The following MACF1 variants were observed in gnomAD, a reference collection of about 807,000 sequenced individuals.
MACF1 encodes microtubule-actin cross-linking factor 1.
Under a neutral mutation model 854.8 loss-of-function variants are expected in MACF1, and 193 were observed. That is an observed-to-expected ratio of 0.23 (90% confidence interval 0.20 to 0.25). MACF1 has a LOEUF of 0.25. Ranked by LOEUF, MACF1 falls within the 10% of genes least tolerant of loss-of-function variation. MACF1 has a pLI of 1.00. For missense variants in MACF1, 7,722 were observed against 8,929.1 expected, an observed-to-expected ratio of 0.86 and a Z score of 5.45; for synonymous variants, 3,185 against 3,226.7, an observed-to-expected ratio of 0.99 and a Z score of 0.44.
intron 2 of MACF1, among the ~76,000 whole-genome samples, chr1:39,137,540 A>C (rs1242566255): frequency 6.6e-6 from 1 of 152,076 alleles, no homozygotes; most frequent in Non-Finnish European, 1.5e-5. Flanking sequence ...TAATTTTTAA[A>C]TTTTTTGTAA....
Position 39,427,607 on chromosome 1 carries a change from G to A in MACF1, c.16469G>A (p.Arg5490Gln), listed in dbSNP as rs926786251. ...GCCAAAATACAGCAGCAGATCATTC[G>A]GCACAAGGTAGGGAGTGGTTACAGT... ...QTAKIQQQII[R>Q]HKALEEDIEN... The change falls in exon 62 of 101, where the codon CGG becomes CAG. Residue 5490 changes from arginine to glutamine, a missense_variant. This residue lies in a region of MACF1 where 2,807 missense variants were observed against 3,235.8 expected (regional missense o/e 0.87). Transcript: ENST00000564288. 1.1e-5 allele frequency: 18 copies of A among 1,613,736 alleles called. No individual in the cohort carries two copies. Among genetic ancestry groups the A allele is most frequent in the Admixed American group, 3.3e-5 (2 of 59,976 alleles).
At chr1:39,446,252 G>A (rs1388290684) in intron 80 of MACF1, among the ~76,000 whole-genome samples, 5 of 151,662 alleles carry the variant, frequency 3.3e-5, no homozygotes, top group Non-Finnish European at 1.5e-5. Context: ...TAAAGAATAT[G>A]TAGATATAAA....
rs776122438 is a variant in MACF1 at position 39,455,035 on chromosome 1, C to T, written c.21013C>T (p.Arg7005Trp). The part of the protein sequence containing the change: ...IQWAETTLIQ[R>W]DQEPIPQNID... Reference sequence around the variant, plus strand: ...GTGGGCTGAGACCACCCTCATTCAGCGGGATCAGGAGCCAATCCCGCAGAA... The same window carrying T: ...GTGGGCTGAGACCACCCTCATTCAGTGGGATCAGGAGCCAATCCCGCAGAA... The change falls in exon 89 of 101, where the codon CGG becomes TGG. Residue 7005 changes from arginine to tryptophan, a missense_variant. Arg to Trp is a moderately radical substitution (Grantham distance 101). Coordinates refer to ENST00000564288, the MANE Select transcript of MACF1 (RefSeq NM_001394062.1). 9.9e-6 allele frequency: 16 copies of T among 1,613,936 alleles called. No homozygotes were observed. In the Admixed American group the frequency reaches 1.5e-4, roughly 15 times the overall value.
chr1:39,279,944 A>G (rs1024644996), intron 6 of MACF1, among the ~76,000 whole-genome samples: 29 of 152,340 alleles, frequency 1.9e-4, no homozygotes, highest in African/African-American at 7.0e-4. Flanking sequence ...AGGAAGAAAA[A>G]CTAAAGTCAT....
chr1:39,153,359 GT>G (rs1352591757), intron 2 of MACF1, among the ~76,000 whole-genome samples: 1 of 152,130 alleles, frequency 6.6e-6, no homozygotes, highest in Non-Finnish European at 1.5e-5. Flanking sequence ...AAAAGCAAGT[GT>G]TTTTGCCTTC....
At chr1:39,379,143 G>C in intron 53 of MACF1, 60 bp from the exon 54 acceptor site, 1 of 1,482,838 alleles carries the variant, frequency 6.7e-7, no homozygotes, top group Non-Finnish European at 9.0e-7. Flanking sequence ...TAGGAGTGAG[G>C]AGTCAAGGAG....
chr1:39,385,937 G>A lies in MACF1; in HGVS notation c.14344+8G>A, dbSNP rs1641754732. 1.3e-6 allele frequency: 2 copies of A among 1,596,974 alleles called. No individual in the cohort carries two copies. Among genetic ancestry groups the A allele is most frequent in the Non-Finnish European group, 1.7e-6 (2 of 1,169,796 alleles). On this transcript the variant is annotated splice_region_variant and intron_variant, in intron 57 of 100. Transcript: ENST00000564288. Reference sequence around the variant, plus strand: ...GTTTAGAAGACCTTGCAGGTAAGTTGGGGTGAAGAACATACTTCTGCCATT... The same window carrying A: ...GTTTAGAAGACCTTGCAGGTAAGTTAGGGTGAAGAACATACTTCTGCCATT...
chr1:39,351,779 G>C (rs904965200), intron 43 of MACF1, among the ~76,000 whole-genome samples: 20 of 151,682 alleles, frequency 1.3e-4, no homozygotes, highest in African/African-American at 4.4e-4. Flanking sequence ...GTAGAGATGG[G>C]GTTTCACCAT....
intron 2 of MACF1, among the ~76,000 whole-genome samples, chr1:39,243,714 G>T (rs1644950317): frequency 6.6e-6 from 1 of 152,120 alleles, no homozygotes; most frequent in Admixed American, 6.6e-5. Flanking sequence ...TCTAAATTTT[G>T]ATGCTTAGTC....
At chr1:39,307,103 G>A (rs1172653792) in intron 23 of MACF1, among the ~76,000 whole-genome samples, 1 of 151,862 alleles carries the variant, frequency 6.6e-6, no homozygotes, top group African/African-American at 2.4e-5. Flanking sequence ...TTGAACTCCT[G>A]ACCTCAAGTA....
At chr1:39,093,415 A>C (rs1263336305) in intron 2 of MACF1, among the ~76,000 whole-genome samples, 1 of 146,264 alleles carries the variant, frequency 6.8e-6, no homozygotes, top group Non-Finnish European at 1.5e-5. Flanking sequence ...TCCTGGGTTC[A>C]AGGGATTCTC....
intron 61 of MACF1, among the ~76,000 whole-genome samples, chr1:39,424,491 C>T (rs765312851): frequency 5.3e-5 from 8 of 152,062 alleles, no homozygotes; most frequent in African/African-American, 1.9e-4. Flanking sequence ...ACAGTCCAGC[C>T]GAGTTATTTT....
chr1:39,107,133 T>C (rs1642265085), intron 2 of MACF1, among the ~76,000 whole-genome samples: 1 of 152,108 alleles, frequency 6.6e-6, no homozygotes, highest in Non-Finnish European at 1.5e-5. Flanking sequence ...AGAGAGGAGA[T>C]ACATTAGGAC....
At chr1:39,484,756 AG>A in intron 100 of MACF1, 26 bp downstream of exon 100, 8 of 1,614,110 alleles carry the variant, frequency 5.0e-6, no homozygotes, top group Non-Finnish European at 6.8e-6. Flanking sequence ...GTGACCTACA[AG>A]CCAGGCTGAG....
chr1:39,468,042 C>G (rs999963943), intron 95 of MACF1: 3 of 152,232 alleles, frequency 2.0e-5, no homozygotes, highest in Admixed American at 6.5e-5. Context: ...TTTCCTACCT[C>G]TCCTTTTGGT....
At chr1:39,326,977 G>A (rs1166552766) in intron 35 of MACF1, among the ~76,000 whole-genome samples, 1 of 152,104 alleles carries the variant, frequency 6.6e-6, no homozygotes, top group South Asian at 2.1e-4. Context: ...TGGGGGTGGG[G>A]CTAAAGTGGA....
At chr1:39,216,633 T>C (rs1644579891) in intron 1 of MACF1, among the ~76,000 whole-genome samples, 2 of 151,860 alleles carry the variant, frequency 1.3e-5, no homozygotes, top group African/African-American at 4.8e-5. Context: ...AAAGCTGCCA[T>C]AGCAATAATG....
intron 6 of MACF1, among the ~76,000 whole-genome samples, chr1:39,278,686 G>A (rs1318346719): frequency 1.3e-5 from 2 of 152,166 alleles, no homozygotes; most frequent in Non-Finnish European, 2.9e-5. Flanking sequence ...TGAAGGCAGT[G>A]GGATATATCA....
intron 2 of MACF1, among the ~76,000 whole-genome samples, chr1:39,130,040 A>G (rs542862516): frequency 3.3e-5 from 5 of 152,330 alleles, no homozygotes; most frequent in African/African-American, 1.2e-4. Flanking sequence ...TCTTTTTGTT[A>G]ATAGAAAGGC....
Sources: gnomAD v4.1 joint callset for allele counts (sites outside exome capture counted in the v4.1 genomes callset) on GRCh38, gnomAD v4.1.1 for gene constraint, gnomAD v4.1.1 regional missense constraint, MANE v1.5 for transcripts, NCBI Gene and HGNC (gene_info 2026-07-23, HGNC 2026-07-21) for gene names.